UBP1: variants seen among roughly 807,000 people sequenced by gnomAD.
The protein encoded by UBP1 is upstream binding protein 1.
UBP1 carries 22 observed loss-of-function variants against 76.1 expected under a neutral mutation model. That is an observed-to-expected ratio of 0.29 (90% CI 0.21 to 0.41). The LOEUF (loss-of-function observed/expected upper bound fraction) is 0.41, where lower values mean the gene tolerates loss of function less well. UBP1 is among the 10% of genes least tolerant of loss of function. The probability of loss-of-function intolerance (pLI) is 1.00; values close to 1 mark genes in which losing one functional copy is unlikely to be tolerated. For synonymous variants in UBP1, 224 were observed against 237.1 expected (o/e 0.94, Z 0.51); for missense variants, 436 against 668.1 (o/e 0.65, Z 3.83).
intron 11 of UBP1, among the ~76,000 whole-genome samples, chr3:33,398,937 C>G (rs924754879): frequency 1.3e-5 from 2 of 152,164 alleles, no homozygotes; most frequent in African/African-American, 4.8e-5. Context: ...AAAATGTAGT[C>G]CCCAGCTAGC....
At chr3:33,394,823 T>C (rs966366871) in intron 13 of UBP1, among the ~76,000 whole-genome samples, 1 of 150,834 alleles carries the variant, frequency 6.6e-6, no homozygotes, top group Non-Finnish European at 1.5e-5. Context: ...ACTTGTTTTT[T>C]TTTTTTTTTT....
chr3:33,425,690 C>T lies in UBP1; in HGVS notation c.165G>A (p.Leu55=). The stretch of plus-strand genomic sequence containing the variant: ...AGGGTGGGTGCTCTGTTTCACCATC[C>T]AATGGAAGGCTGGAATCTTCCTGCT... The part of the protein sequence containing the change: ...IFKQEDSSLP[L]DGETEHPPFQ... Residue 55 remains leucine, a synonymous_variant, in exon 2 of 16, where the codon TTG becomes TTA. Transcript: ENST00000283629. The T allele has an allele frequency of 1.2e-6, 2 of 1,600,290 alleles. No individual in the cohort carries two copies. Among genetic ancestry groups the T allele is most frequent in the Non-Finnish European group, 1.7e-6 (2 of 1,169,382 alleles).
chr3:33,422,309 G>A (rs1186068308), intron 2 of UBP1, among the ~76,000 whole-genome samples: 2 of 152,132 alleles, frequency 1.3e-5, no homozygotes, highest in Non-Finnish European at 2.9e-5. Context: ...GAAGGCCTGA[G>A]GCAGGAGGAC....
intron 1 of UBP1, among the ~76,000 whole-genome samples, chr3:33,433,123 C>T (rs533842060): frequency 6.6e-5 from 10 of 151,338 alleles, no homozygotes; most frequent in South Asian, 2.1e-4. Flanking sequence ...TGCAGTGGCG[C>T]GATCTCAGCT....
At chr3:33,421,100 C>G (rs545424869) in intron 2 of UBP1, among the ~76,000 whole-genome samples, 2 of 152,320 alleles carry the variant, frequency 1.3e-5, no homozygotes, top group South Asian at 4.1e-4. Flanking sequence ...ACAGGCTCAG[C>G]CCCCAGCTGT....
rs2044176356 is a variant in UBP1 at position 33,400,340 on chromosome 3, A to C, written c.1087-58T>G. The C allele has an allele frequency of 4.4e-6, 6 of 1,374,350 alleles. No homozygotes were observed. The East Asian group carries it at 1.5e-4, about 35-fold the overall frequency. 85.1% of individuals were successfully genotyped at this position (1,374,350 alleles called of 1,614,324 possible). A position where few individuals can be genotyped will look rare whatever the true frequency, so the allele number is the denominator to read the frequency against. On this transcript the variant is annotated intron_variant, in intron 10 of 15. Coordinates refer to ENST00000283629, the MANE Select transcript of UBP1 (RefSeq NM_014517.5). ...GAACCATTCAGACTTAGAACATTTA[A>C]ACAAAACACAGAAAGCCTCGGAGTC...
At chr3:33,427,437 TA>T (rs1219653421) in intron 1 of UBP1, among the ~76,000 whole-genome samples, 23 of 152,370 alleles carry the variant, frequency 1.5e-4, no homozygotes, top group Admixed American at 9.8e-4. Context: ...AGTAAAATGA[TA>T]ATAACAGCAA....
At chr3:33,406,026 T>G (rs1013376789) in intron 8 of UBP1, among the ~76,000 whole-genome samples, 1 of 152,196 alleles carries the variant, frequency 6.6e-6, no homozygotes, top group Non-Finnish European at 1.5e-5. Flanking sequence ...GAAATCTAAT[T>G]TAGCTGGAGA....
At chr3:33,390,681 C>G in intron 15 of UBP1, 1 of 359,496 alleles carries the variant, frequency 2.8e-6, no homozygotes, top group Non-Finnish European at 5.2e-6. Context: ...ATAAGGGGAG[C>G]AAGAGCTAGA....
At chr3:33,409,739 T>A (rs1479489818) in intron 5 of UBP1, 138 bp from the exon 6 acceptor site, 3 of 1,095,876 alleles carry the variant, frequency 2.7e-6, no homozygotes, top group Non-Finnish European at 3.9e-6. Context: ...ATTAGCCAAA[T>A]TATCTATGAA....
At chr3:33,409,372 T>A (rs771794211) in intron 6 of UBP1, 26 bp from the exon 7 acceptor site, 1 of 1,614,006 alleles carries the variant, frequency 6.2e-7, no homozygotes, top group Non-Finnish European at 8.5e-7. Context: ...TACTATTTCA[T>A]CTATCAGGCT....
intron 1 of UBP1, 27 bp from the exon 2 acceptor site, chr3:33,425,768 CT>C: frequency 6.4e-7 from 1 of 1,555,254 alleles, no homozygotes; most frequent in Non-Finnish European, 8.8e-7. Flanking sequence ...CAACACTGAC[CT>C]TACTTTGGGT....
chr3:33,420,325 A>G (rs2044854197), intron 2 of UBP1, among the ~76,000 whole-genome samples: 1 of 152,060 alleles, frequency 6.6e-6, no homozygotes, highest in Non-Finnish European at 1.5e-5. Context: ...TACTTTATTA[A>G]CATTCTTTTT....
intron 1 of UBP1, among the ~76,000 whole-genome samples, chr3:33,428,181 C>CAAAAAAAAAA (rs59049122): frequency 7.0e-5 from 4 of 57,236 alleles, no homozygotes; most frequent in Admixed American, 2.2e-4. Context: ...GATTCCATCT[C>CAAAAAAAAAA]AAAAAAAAAA....
intron 8 of UBP1, among the ~76,000 whole-genome samples, chr3:33,404,999 T>C (rs4678957): frequency 0.25 from 37,502 of 152,096 alleles, 5,367 homozygotes; most frequent in East Asian, 0.47. Flanking sequence ...GGATTTGTTG[T>C]TTTGATAAAT....
chr3:33,412,687 C>A, intron 4 of UBP1, 35 bp downstream of exon 4: 1 of 1,333,156 alleles, frequency 7.5e-7, no homozygotes, highest in Non-Finnish European at 1.1e-6. Flanking sequence ...TAAACAATAC[C>A]CTCATCTCCA....
At chr3:33,395,750 G>GAAAAAAA (rs61654235) in intron 13 of UBP1, among the ~76,000 whole-genome samples, 2,157 of 65,120 alleles carry the variant, frequency 0.033, no homozygotes, top group Non-Finnish European at 0.039. Context: ...CAGGAAAATT[G>GAAAAAAA]AAAAAAAAAA....
intron 9 of UBP1, among the ~76,000 whole-genome samples, chr3:33,402,051 A>G (rs1445102197): frequency 2.6e-5 from 4 of 152,242 alleles, no homozygotes. Flanking sequence ...AGACCTTGTC[A>G]GCATGACCGG....
chr3:33,394,659 C>A (rs974433425), intron 13 of UBP1, among the ~76,000 whole-genome samples: 1 of 152,068 alleles, frequency 6.6e-6, no homozygotes, highest in Non-Finnish European at 1.5e-5. Context: ...TTACTGAGAA[C>A]TTTGCTTCCC....
Sources: allele counts gnomAD v4.1 joint callset (sites outside exome capture counted in the v4.1 genomes callset), GRCh38; gene constraint gnomAD v4.1.1; transcripts MANE v1.5; gene names NCBI Gene and HGNC (gene_info 2026-07-23, HGNC 2026-07-21).